The following DTNA variants were observed in gnomAD, a reference collection of about 807,000 sequenced individuals.
DTNA encodes dystrobrevin alpha.
A neutral mutation model predicts 100.7 loss-of-function variants in DTNA; 43 were observed. The ratio of observed to expected loss-of-function variants is 0.43; its 90% CI spans 0.33 to 0.55. The LOEUF (loss-of-function observed/expected upper bound fraction) is 0.55. Ranked by LOEUF, DTNA falls within the 20% of genes least tolerant of loss-of-function variation. The probability of loss-of-function intolerance (pLI) is 0.04; values close to 1 mark genes in which losing one functional copy is unlikely to be tolerated. For missense variants in DTNA, 798 were observed against 953.9 expected (o/e 0.84, Z 2.15); for synonymous variants, 349 against 347.9 (o/e 1.00, Z -0.04).
At position 34,672,056 on chromosome 18, in the gene DTNA, G is replaced by T. The variant is rs2076831677; in HGVS notation, c.-1-83920G>T. ...TTTAATTCTTTTTTTGGCCAATTTG[G>T]TGGGTATAATGAGATGCAGGAGACA... On this transcript the variant is annotated intron_variant, in intron 1 of 19. Transcript: ENST00000283365. Among the ~76,000 whole-genome samples the T allele has an allele frequency of 6.6e-5, 10 of 152,186 alleles. No homozygotes were observed. In the South Asian group the frequency reaches 8.3e-4, roughly 13 times the overall value.
chr18:34,850,707 T>C (rs987592740), intron 14 of DTNA, among the ~76,000 whole-genome samples: 1 of 152,232 alleles, frequency 6.6e-6, no homozygotes, highest in Non-Finnish European at 1.5e-5. Flanking sequence ...GAGGAATTTC[T>C]AAAATGTACT....
chr18:34,850,756 A>G (rs1436095758), intron 14 of DTNA, among the ~76,000 whole-genome samples: 2 of 152,224 alleles, frequency 1.3e-5, no homozygotes, highest in Admixed American at 6.5e-5. Flanking sequence ...AGTGTACATA[A>G]TATGACCCCA....
At chr18:34,680,002 G>A (rs1424766380) in intron 1 of DTNA, among the ~76,000 whole-genome samples, 1 of 152,092 alleles carries the variant, frequency 6.6e-6, no homozygotes, top group Non-Finnish European at 1.5e-5. Context: ...ATTTTTGATG[G>A]CATAAACTGA....
chr18:34,771,930 T>A (rs1300899800), intron 3 of DTNA, among the ~76,000 whole-genome samples: 5 of 150,534 alleles, frequency 3.3e-5, no homozygotes, highest in Non-Finnish European at 7.4e-5. Flanking sequence ...TGGTTAATGA[T>A]CCAGATACCC....
At chr18:34,848,508 T>G in intron 14 of DTNA, 125 bp downstream of exon 14, 1 of 1,062,018 alleles carries the variant, frequency 9.4e-7, no homozygotes, top group Non-Finnish European at 1.4e-6. Flanking sequence ...TTATTGTGCA[T>G]GTGTTTGTTG....
At chr18:34,713,172 A>G (rs1046797430) in intron 1 of DTNA, among the ~76,000 whole-genome samples, 5 of 152,178 alleles carry the variant, frequency 3.3e-5, no homozygotes, top group Middle Eastern at 3.2e-3. Context: ...AATGATAACG[A>G]CAATAATGAT....
intron 1 of DTNA, among the ~76,000 whole-genome samples, chr18:34,718,623 T>C (rs1169851215): frequency 6.6e-6 from 1 of 152,162 alleles, no homozygotes; most frequent in Non-Finnish European, 1.5e-5. Context: ...AGCCTTATGA[T>C]CACTGCAGTC....
At chr18:34,772,250 C>T (rs1449164404) in intron 3 of DTNA, among the ~76,000 whole-genome samples, 6 of 152,020 alleles carry the variant, frequency 3.9e-5, no homozygotes, top group South Asian at 2.1e-4. Context: ...AATTATATCT[C>T]GGCTGTCAGA....
chr18:34,513,281 C>A (rs2041270961), intron 1 of DTNA, among the ~76,000 whole-genome samples: 1 of 152,026 alleles, frequency 6.6e-6, no homozygotes, highest in Admixed American at 6.6e-5. Context: ...ATTAACAACA[C>A]CTATATGCTA....
At chr18:34,666,548 G>A (rs1555686187) in intron 1 of DTNA, among the ~76,000 whole-genome samples, 6 of 152,044 alleles carry the variant, frequency 3.9e-5, no homozygotes, top group Non-Finnish European at 8.8e-5. Context: ...GGTTTTTATG[G>A]TTTTAGGTCT....
At chr18:34,832,939 T>C (rs142087202) in intron 11 of DTNA, among the ~76,000 whole-genome samples, 3 of 152,328 alleles carry the variant, frequency 2.0e-5, no homozygotes, top group African/African-American at 7.2e-5. Context: ...CAGCCAACTT[T>C]ATAAGTCATT....
intron 1 of DTNA, among the ~76,000 whole-genome samples, chr18:34,730,828 C>A (rs2087944020): frequency 6.6e-6 from 1 of 152,160 alleles, no homozygotes; most frequent in African/African-American, 2.4e-5. Flanking sequence ...CACTGGTGAC[C>A]ACCAAAGAGC....
intron 15 of DTNA, among the ~76,000 whole-genome samples, chr18:34,853,898 A>G (rs2096520278): frequency 6.6e-6 from 1 of 152,198 alleles, no homozygotes; most frequent in African/African-American, 2.4e-5. Context: ...AGTCAGAAAA[A>G]AGCATTGAGA....
chr18:34,518,830 G>T (rs979889534), intron 1 of DTNA, among the ~76,000 whole-genome samples: 1 of 151,682 alleles, frequency 6.6e-6, no homozygotes, highest in Non-Finnish European at 1.5e-5. Flanking sequence ...CTGGTATAGT[G>T]GGGGAGGTAC....
At chr18:34,554,160 C>T (rs2146018953) in intron 1 of DTNA, among the ~76,000 whole-genome samples, 1 of 130,518 alleles carries the variant, frequency 7.7e-6, no homozygotes, top group South Asian at 2.5e-4. Context: ...GGAGTTCACT[C>T]ATGATTTGGC....
intron 1 of DTNA, among the ~76,000 whole-genome samples, chr18:34,550,598 TAATA>T (rs528695282): frequency 6.2e-4 from 94 of 152,276 alleles, no homozygotes; most frequent in African/African-American, 2.1e-3. Flanking sequence ...GTCTACATTT[TAATA>T]AATAAACCAA....
upstream of DTNA, among the ~76,000 whole-genome samples, chr18:34,707,851 T>C (rs2082309795): frequency 6.6e-6 from 1 of 152,216 alleles, no homozygotes; most frequent in Admixed American, 6.5e-5. Flanking sequence ...CCTTTTTGCC[T>C]GGTCGGCCTC....
At chr18:34,779,744 G>C (rs963924246) in intron 3 of DTNA, among the ~76,000 whole-genome samples, 1 of 152,094 alleles carries the variant, frequency 6.6e-6, no homozygotes, top group Non-Finnish European at 1.5e-5. Flanking sequence ...GTTGGTTCTT[G>C]GCACTATCTT....
intron 2 of DTNA, 75 bp from the exon 3 acceptor site, chr18:34,765,886 T>C: frequency 2.1e-6 from 3 of 1,414,030 alleles, no homozygotes; most frequent in Non-Finnish European, 3.0e-6. Context: ...TATCTACAGT[T>C]GTTTTATTTG....
Sources: gnomAD v4.1 joint callset for allele counts (sites outside exome capture counted in the v4.1 genomes callset) on GRCh38, gnomAD v4.1.1 for gene constraint, MANE v1.5 for transcripts, NCBI Gene and HGNC (gene_info 2026-07-23, HGNC 2026-07-21) for gene names.